GHR: variants seen among roughly 807,000 people sequenced by gnomAD.
The protein encoded by GHR is growth hormone receptor, also known as GH receptor.
GHR carries 35 observed loss-of-function variants against 67.1 expected under a neutral mutation model. That is an observed-to-expected ratio of 0.52 (90% CI 0.40 to 0.69). The LOEUF is 0.69. Ranked by LOEUF, GHR falls within the 30% of genes least tolerant of loss-of-function variation. GHR has a pLI of 0.00. For missense variants in GHR, 792 were observed against 764.6 expected (o/e 1.04, Z -0.42); for synonymous variants, 272 against 269.1 (o/e 1.01, Z -0.10).
intron 1 of GHR, among the ~76,000 whole-genome samples, chr5:42,437,384 G>A (rs1285815970): frequency 6.6e-6 from 1 of 152,140 alleles, no homozygotes; most frequent in Non-Finnish European, 1.5e-5. Context: ...CCAAGCCTCA[G>A]GGACTATTGG....
At chr5:42,479,738 T>G (rs888833089) in intron 1 of GHR, among the ~76,000 whole-genome samples, 1 of 152,222 alleles carries the variant, frequency 6.6e-6, no homozygotes, top group Admixed American at 6.5e-5. Flanking sequence ...GATATCCCCT[T>G]TATCATTTTT....
At chr5:42,613,750 A>G (rs1227298952) in intron 2 of GHR, among the ~76,000 whole-genome samples, 1 of 152,142 alleles carries the variant, frequency 6.6e-6, no homozygotes, top group South Asian at 2.1e-4. Context: ...TTTCTTCTCT[A>G]ATTAATCTCC....
chr5:42,481,507 C>T (rs936903509), intron 1 of GHR, among the ~76,000 whole-genome samples: 6 of 152,158 alleles, frequency 3.9e-5, no homozygotes, highest in Admixed American at 3.3e-4. Context: ...CCATTCTCCC[C>T]GTCACTTTCA....
rs770427138 is a variant in GHR at position 42,587,663 on chromosome 5, GT to G, written c.70+21727del. On this transcript the variant is annotated intron_variant, in intron 2 of 9. Transcript: ENST00000230882. Reference sequence around the variant, plus strand: ...ATGTGAACTTGGGGAAAGATTTGGGGTTTTTTTTGTTTTTTTTTTGTTTTTT... The same window carrying G: ...ATGTGAACTTGGGGAAAGATTTGGGGTTTTTTTGTTTTTTTTTTGTTTTTT... Among the ~76,000 whole-genome samples, 14 of 150,926 alleles carry G rather than the reference GT, an allele frequency of 9.3e-5. 1 individual carries two copies. In the East Asian group the frequency reaches 1.7e-3, roughly 19 times the overall value.
At chr5:42,540,650 C>A (rs1748465495) in intron 1 of GHR, among the ~76,000 whole-genome samples, 1 of 152,148 alleles carries the variant, frequency 6.6e-6, no homozygotes, top group African/African-American at 2.4e-5. Flanking sequence ...CCAAGTCCTC[C>A]CTAGTGTGAG....
chr5:42,446,274 A>G (rs982450656), intron 1 of GHR, among the ~76,000 whole-genome samples: 4 of 152,214 alleles, frequency 2.6e-5, no homozygotes, highest in Non-Finnish European at 4.4e-5. Flanking sequence ...CCCAGAAGAT[A>G]TGGCATCTGA....
chr5:42,682,102 A>C (rs1412680290), intron 3 of GHR, among the ~76,000 whole-genome samples: 2 of 152,338 alleles, frequency 1.3e-5, no homozygotes, highest in South Asian at 2.1e-4. Flanking sequence ...AAAAAGGATG[A>C]GTTCACGTCC....
intron 2 of GHR, among the ~76,000 whole-genome samples, chr5:42,583,898 A>ATATATATATAT (rs1452845926): frequency 2.1e-5 from 3 of 145,740 alleles, no homozygotes; most frequent in Middle Eastern, 3.5e-3. Flanking sequence ...TATATATATA[A>ATATATATATAT]ATTCTTACAG....
At chr5:42,446,759 C>T (rs1743821529) in intron 1 of GHR, among the ~76,000 whole-genome samples, 1 of 152,200 alleles carries the variant, frequency 6.6e-6, no homozygotes, top group Admixed American at 6.5e-5. Flanking sequence ...ATCACCAAAT[C>T]TTTTGAGATG....
chr5:42,644,944 T>C (rs1353901967), intron 3 of GHR, among the ~76,000 whole-genome samples: 1 of 152,170 alleles, frequency 6.6e-6, no homozygotes, highest in Non-Finnish European at 1.5e-5. Context: ...GAGAATATTA[T>C]GAAGTATATG....
chr5:42,531,477 A>G (rs1747965523), intron 1 of GHR, among the ~76,000 whole-genome samples: 1 of 125,492 alleles, frequency 8.0e-6, no homozygotes, highest in Non-Finnish European at 1.8e-5. Flanking sequence ...ATGACCATAG[A>G]CTTTTTTTTT....
At chr5:42,543,042 G>A (rs1249936718) in intron 1 of GHR, among the ~76,000 whole-genome samples, 1 of 152,108 alleles carries the variant, frequency 6.6e-6, no homozygotes, top group Non-Finnish European at 1.5e-5. Flanking sequence ...TGTTTGATGG[G>A]CATTTAAGTT....
chr5:42,453,548 C>G (rs1330176201), intron 1 of GHR, among the ~76,000 whole-genome samples: 1 of 152,192 alleles, frequency 6.6e-6, no homozygotes, highest in Admixed American at 6.5e-5. Flanking sequence ...AGAAAGAAAA[C>G]TATTCACCTC....
chr5:42,426,044 C>T (rs1742840321), intron 1 of GHR, among the ~76,000 whole-genome samples: 1 of 152,168 alleles, frequency 6.6e-6, no homozygotes, highest in African/African-American at 2.4e-5. Flanking sequence ...AGTTTTTAAA[C>T]AGCAGACTCC....
chr5:42,541,824 C>A (rs557491258), intron 1 of GHR, among the ~76,000 whole-genome samples: 2 of 152,088 alleles, frequency 1.3e-5, no homozygotes, highest in East Asian at 1.9e-4. Context: ...AGAGGAAAGG[C>A]CTGAGAATCT....
At chr5:42,482,463 G>T (rs1394409077) in intron 1 of GHR, among the ~76,000 whole-genome samples, 1 of 152,196 alleles carries the variant, frequency 6.6e-6, no homozygotes, top group Non-Finnish European at 1.5e-5. Context: ...TTGTTTGTCT[G>T]TGCCCTGCCC....
intron 1 of GHR, among the ~76,000 whole-genome samples, chr5:42,493,404 T>G (rs1425270372): frequency 6.6e-6 from 1 of 152,206 alleles, no homozygotes; most frequent in African/African-American, 2.4e-5. Context: ...AGGCTCTGAT[T>G]TTGTTTTTTT....
At chr5:42,640,712 A>G (rs926254664) in intron 3 of GHR, among the ~76,000 whole-genome samples, 3 of 152,148 alleles carry the variant, frequency 2.0e-5, no homozygotes, top group Non-Finnish European at 4.4e-5. Context: ...TTAAAAATAA[A>G]TATTCAGTGT....
chr5:42,541,412 T>C (rs1378186688), intron 1 of GHR, among the ~76,000 whole-genome samples: 1 of 152,076 alleles, frequency 6.6e-6, no homozygotes, highest in Non-Finnish European at 1.5e-5. Context: ...GGCCAGTTTG[T>C]TGGAGCAGGA....
Sources: allele counts gnomAD v4.1 joint callset (sites outside exome capture counted in the v4.1 genomes callset), GRCh38; gene constraint gnomAD v4.1.1; transcripts MANE v1.5; gene names NCBI Gene and HGNC (gene_info 2026-07-23, HGNC 2026-07-21).